SLCO4A1: variants seen among roughly 807,000 people sequenced by gnomAD.
The protein encoded by SLCO4A1 is colon organic anion transporter.
In SLCO4A1, 51 loss-of-function variants were observed where a neutral mutation model predicts 64.6. That is an observed-to-expected ratio of 0.79 (90% CI 0.63 to 1.00). The LOEUF (loss-of-function observed/expected upper bound fraction) is 1.00, where lower values mean the gene tolerates loss of function less well. Ranked by LOEUF, SLCO4A1 falls within the 50% of genes least tolerant of loss-of-function variation. The pLI is 0.00. For missense variants in SLCO4A1, 919 were observed against 980.5 expected, an observed-to-expected ratio of 0.94 and a Z score of 0.84; for synonymous variants, 471 against 444.9, an observed-to-expected ratio of 1.06 and a Z score of -0.74.
rs762500897 is a variant in SLCO4A1, at chr20:62,656,717, G to T, written c.263G>T (p.Trp88Leu). The T allele has an allele frequency of 6.2e-7, 1 of 1,610,878 alleles. No individual in the cohort carries two copies. The highest frequency in any genetic ancestry group is 1.3e-5 in the African/African-American group (1 of 75,022). ...GCCGGGCAGAGCGTGGCGTGCGGCT[G>T]GTGGGCCTTCGCACCGCCGTGCCTG... ...VSAGQSVACG[W>L]WAFAPPCLQV... Residue 88 changes from tryptophan to leucine, a missense_variant, in exon 2 of 12, where the codon TGG becomes TTG. By Grantham distance (61) the Trp-to-Leu change is moderately conservative. Coordinates refer to ENST00000217159, the MANE Select transcript of SLCO4A1 (RefSeq NM_016354.4).
At chr20:62,677,036 G>C (rs1569154356), downstream of SLCO4A1, among the ~76,000 whole-genome samples, 1 of 152,234 alleles carries the variant, frequency 6.6e-6, no homozygotes, top group African/African-American at 2.4e-5. Context: ...AAAGAAGCCA[G>C]ACACAAAAGG....
chr20:62,656,338 A>G (rs1983703474), intron 1 of SLCO4A1, 21 bp from the exon 2 acceptor site: 1 of 869,004 alleles, frequency 1.2e-6, no homozygotes, highest in Non-Finnish European at 1.7e-6. Flanking sequence ...TGAGCTTGCT[A>G]ACCAGACATT....
downstream of SLCO4A1, among the ~76,000 whole-genome samples, chr20:62,687,465 G>A (rs187095760): frequency 4.4e-3 from 667 of 152,364 alleles, 6 homozygotes; most frequent in African/African-American, 0.013. Flanking sequence ...TGCGTCATCC[G>A]GGCGGGATGC....
intron 1 of SLCO4A1, chr20:62,643,432 G>C (rs913739501): frequency 5.9e-6 from 1 of 170,300 alleles, no homozygotes; most frequent in Non-Finnish European, 1.3e-5. Context: ...AGCCCAGCTA[G>C]GTTTCCGCGT....
At chr20:62,668,591 G>C in intron 10 of SLCO4A1, 50 bp downstream of exon 10, 2 of 1,511,092 alleles carry the variant, frequency 1.3e-6, no homozygotes, top group Non-Finnish European at 1.8e-6. Flanking sequence ...TGTGCTCACT[G>C]CACAAGGGCA....
intron 11 of SLCO4A1, among the ~76,000 whole-genome samples, chr20:62,671,248 G>A (rs528730929): frequency 3.9e-5 from 6 of 152,352 alleles, no homozygotes; most frequent in African/African-American, 1.4e-4. Flanking sequence ...TGATGTAGCA[G>A]AACCAGATTC....
At chr20:62,677,595 G>T (rs1235713724) in intron 2 of SLCO4A1, among the ~76,000 whole-genome samples, 1 of 152,180 alleles carries the variant, frequency 6.6e-6, no homozygotes, top group African/African-American at 2.4e-5. Flanking sequence ...CAGGAAGGGG[G>T]CGTAGAGACC....
At chr20:62,683,479 A>G (rs541733494) in intron 2 of SLCO4A1, among the ~76,000 whole-genome samples, 1 of 152,276 alleles carries the variant, frequency 6.6e-6, no homozygotes, top group South Asian at 2.1e-4. Flanking sequence ...TGACGGCGAC[A>G]GTGAGGACTG....
At chr20:62,660,032 C>T (rs1237161789) in intron 3 of SLCO4A1, among the ~76,000 whole-genome samples, 2 of 152,236 alleles carry the variant, frequency 1.3e-5, no homozygotes, top group African/African-American at 4.8e-5. Flanking sequence ...CTCTGGCGTC[C>T]CTGGGAACCC....
chr20:62,668,403 G>T, intron 9 of SLCO4A1, 74 bp from the exon 10 acceptor site: 1 of 1,490,118 alleles, frequency 6.7e-7, no homozygotes, highest in African/African-American at 1.4e-5. Context: ...GGTCCAGGAG[G>T]CCACTGGCCT....
intron 1 of SLCO4A1, among the ~76,000 whole-genome samples, chr20:62,656,153 C>T (rs146360998): frequency 6.6e-6 from 1 of 152,238 alleles, no homozygotes; most frequent in Non-Finnish European, 1.5e-5. Flanking sequence ...CACAGCCCCC[C>T]ACCTTTCCGC....
chr20:62,679,785 G>A (rs942509041), intron 2 of SLCO4A1, among the ~76,000 whole-genome samples: 24 of 152,276 alleles, frequency 1.6e-4, no homozygotes, highest in East Asian at 5.8e-4. Context: ...ATGAAAGGAC[G>A]TCAGGCCCAG....
Position 62,685,333 on chromosome 20 carries a change from G to A in SLCO4A1, n.212-108G>A, listed in dbSNP as rs886939627. 18 of 456,334 alleles carry A rather than the reference G, an allele frequency of 3.9e-5. No individual in the cohort carries two copies. Among genetic ancestry groups the A allele is most frequent in the East Asian group, 1.6e-4 (1 of 6,426 alleles). 28.3% of individuals were successfully genotyped at this position (456,334 alleles called of 1,614,324 possible). A position where few individuals can be genotyped will look rare whatever the true frequency, so the allele number is the denominator to read the frequency against. On this transcript the variant is annotated intron_variant and non_coding_transcript_variant, in intron 2 of 2. Coordinates refer to the SLCO4A1 transcript ENST00000466818. The surrounding 1 kb of genome is among the most constrained non-coding windows in gnomAD (Gnocchi z 4.6). ...CCCCCGACACCTTCCCCAGCTGGTC[G>A]GTGCCCAAGGGTGGGTTCGTGGGGC... is the stretch of plus-strand genomic sequence containing the variant.
rs939364430 is a variant in SLCO4A1, at chr20:62,668,080, A to G, written c.1707A>G (p.Lys569=). 3.7e-6 allele frequency: 6 copies of G among 1,613,984 alleles called. No homozygotes were observed. In the Admixed American group the frequency reaches 6.7e-5, roughly 18 times the overall value. Residue 569 remains lysine (K), a synonymous_variant, in exon 9 of 12, where the codon AAA becomes AAG. Transcript: ENST00000217159. ...SSGFGHATAG[K]CTSTCQRKPL... is the part of the protein sequence containing the mutation. ...GTTTTGGCCATGCCACTGCAGGGAA[A>G]TGCACTTCAACTTGTCAGAGAAAGC... is the stretch of plus-strand genomic sequence containing the variant.
chr20:62,647,449 T>C (rs1214295497), intron 1 of SLCO4A1, among the ~76,000 whole-genome samples: 2 of 152,186 alleles, frequency 1.3e-5, no homozygotes, highest in Non-Finnish European at 2.9e-5. Context: ...CCTATGGTCC[T>C]GCCTGGCCTC....
Position 62,656,744 on chromosome 20 carries a change from A to C in SLCO4A1, c.290A>C (p.Gln97Pro), listed in dbSNP as rs1301536431. ...GWWAFAPPCLQVLNTPKGILF... is the reference protein window; with the variant it reads ...GWWAFAPPCLPVLNTPKGILF... ...TGGGCCTTCGCACCGCCGTGCCTGC[A>C]GGTCCTCAACACGCCCAAGGGCATC... The change falls in exon 2 of 12, where the codon CAG becomes CCG. Residue 97 changes from glutamine to proline, a missense_variant. By Grantham distance (76) the Gln-to-Pro change is moderately conservative. Coordinates refer to ENST00000217159, the MANE Select transcript of SLCO4A1 (RefSeq NM_016354.4). The C allele has an allele frequency of 2.5e-6, 4 of 1,612,306 alleles. No homozygotes were observed. Among genetic ancestry groups the C allele is most frequent in the Non-Finnish European group, 3.4e-6 (4 of 1,179,646 alleles).
rs1442344251 is a variant in SLCO4A1, at chr20:62,657,044, A to G, written c.590A>G (p.Tyr197Cys). The G allele has an allele frequency of 6.3e-7, 1 of 1,594,620 alleles. No individual in the cohort carries two copies. The highest frequency in any genetic ancestry group is 1.7e-5 in the Admixed American group (1 of 59,574). Residue 197 changes from tyrosine (Y) to cysteine (C), a missense_variant, in exon 2 of 12, where the codon TAT becomes TGT. By Grantham distance (194) the Tyr-to-Cys change is radical. Coordinates refer to ENST00000217159, the MANE Select transcript of SLCO4A1 (RefSeq NM_016354.4). ...FALPHFTAGRYEVELDAGVRT... is the reference protein window; with the variant it reads ...FALPHFTAGRCEVELDAGVRT... Reference sequence around the variant, plus strand: ...CTGCCCCACTTCACGGCTGGCCGCTATGAGGTGGAGTTGGACGCGGGTGTC... The same window carrying G: ...CTGCCCCACTTCACGGCTGGCCGCTGTGAGGTGGAGTTGGACGCGGGTGTC...
intron 5 of SLCO4A1, chr20:62,663,048 T>C (rs1985336161): frequency 6.6e-6 from 1 of 152,202 alleles, no homozygotes; most frequent in South Asian, 2.1e-4. Flanking sequence ...AGAACTGGGC[T>C]CTCCCATTTT....
rs1981213129 is a variant in SLCO4A1, at chr20:62,645,769, T to A, written c.-97+3216T>A. Among the ~76,000 whole-genome samples, 1 of 151,496 alleles carries A rather than the reference T, an allele frequency of 6.6e-6. No individual in the cohort carries two copies. Among genetic ancestry groups the A allele is most frequent in the Non-Finnish European group, 1.5e-5 (1 of 67,930 alleles). On this transcript the variant is annotated intron_variant, in intron 1 of 11. Coordinates refer to ENST00000217159, the MANE Select transcript of SLCO4A1 (RefSeq NM_016354.4). This position sits in a 1 kb window ranked among gnomAD's most constrained non-coding sequence, Gnocchi z 4.2. ...TTGGGTGCCAGAGAGCCCAGATTCC[T>A]CTCCCTCCCACGCGCAGCCAGGCCC...
Sources: allele counts gnomAD v4.1 joint callset (sites outside exome capture counted in the v4.1 genomes callset), GRCh38; gene constraint gnomAD v4.1.1; non-coding constraint Gnocchi (gnomAD v3.1); transcripts MANE v1.5; gene names NCBI Gene and HGNC (gene_info 2026-07-23, HGNC 2026-07-21).